Variants in MIA2 observed in about 807,000 individuals in gnomAD.
MIA2 encodes the protein MIA SH3 domain ER export factor 2.
A neutral mutation model predicts 167.8 loss-of-function variants in MIA2; 127 were observed. The observed-to-expected ratio is 0.76, with a 90% CI of 0.66 to 0.88. The LOEUF (loss-of-function observed/expected upper bound fraction) is 0.88. Ranked by LOEUF, MIA2 falls within the 40% of genes least tolerant of loss-of-function variation. MIA2 has a pLI of 0.00. For synonymous variants in MIA2, 552 were observed against 541.9 expected, an observed-to-expected ratio of 1.02 and a Z score of -0.26; for missense variants, 1,690 against 1,624.7, an observed-to-expected ratio of 1.04 and a Z score of -0.69.
chr14:39,322,503 T>C (rs1406442195), intron 24 of MIA2, among the ~76,000 whole-genome samples: 1 of 143,678 alleles, frequency 7.0e-6, no homozygotes, highest in Non-Finnish European at 1.5e-5. Context: ...ATAGTGCCAC[T>C]GCACTCCAGC....
chr14:39,384,598 G>C (rs974970389), intron 23 of MIA2, among the ~76,000 whole-genome samples: 1 of 152,128 alleles, frequency 6.6e-6, no homozygotes, highest in African/African-American at 2.4e-5. Flanking sequence ...AATTTTCACA[G>C]TATATATTTG....
downstream of MIA2, among the ~76,000 whole-genome samples, chr14:39,355,346 T>C (rs1484520603): frequency 2.0e-5 from 3 of 152,138 alleles, no homozygotes; most frequent in African/African-American, 7.2e-5. Flanking sequence ...TGATTTGGCT[T>C]TCTGTTTGTC....
Position 39,350,277 on chromosome 14 carries a change from T to C in MIA2, c.*13T>C. On this transcript the variant is annotated 3_prime_UTR_variant, in exon 29 of 29. Transcript: ENST00000640607. ...GCAAGAAACCTGACAATATTTTTGCTCTCTTCAAAAGTAATTTTGACTGAT... is the reference window on the plus strand; with the variant it reads ...GCAAGAAACCTGACAATATTTTTGCCCTCTTCAAAAGTAATTTTGACTGAT... The C allele has an allele frequency of 2.2e-6, 3 of 1,346,342 alleles. No individual in the cohort carries two copies. The highest frequency in any genetic ancestry group is 3.0e-6 in the Non-Finnish European group (3 of 1,001,070). The allele number at this position is 1,346,342 out of a possible 1,614,324, so 83.4% of individuals were successfully genotyped here. A position where few individuals can be genotyped will look rare whatever the true frequency, so the allele number is the denominator to read the frequency against.
At chr14:39,365,655 C>T (rs910795517) in intron 23 of MIA2, among the ~76,000 whole-genome samples, 2 of 2,198 alleles carry the variant, frequency 9.1e-4, no homozygotes, top group African/African-American at 4.6e-3. Flanking sequence ...AAATACCTAT[C>T]TATCTATCTA....
At chr14:39,269,932 C>G (rs1594818398) in intron 6 of MIA2, among the ~76,000 whole-genome samples, 1 of 152,248 alleles carries the variant, frequency 6.6e-6, no homozygotes, top group Admixed American at 6.5e-5. Context: ...ATGAATAATG[C>G]TGCTTTGTGT....
downstream of MIA2, among the ~76,000 whole-genome samples, chr14:39,352,400 C>G (rs1479712352): frequency 6.6e-6 from 1 of 151,848 alleles, no homozygotes; most frequent in Non-Finnish European, 1.5e-5. Context: ...TGTTGGAGTT[C>G]ACTCTCAAGT....
intron 24 of MIA2, among the ~76,000 whole-genome samples, chr14:39,321,480 AT>A (rs1346594331): frequency 4.0e-5 from 6 of 149,756 alleles, no homozygotes; most frequent in Admixed American, 6.7e-5. Context: ...TGCCCGGCTA[AT>A]TTTTTTTTGT....
intron 6 of MIA2, chr14:39,269,174 T>A: frequency 1.9e-5 from 11 of 571,328 alleles, no homozygotes; most frequent in Non-Finnish European, 2.4e-5. Flanking sequence ...TTTTTATTTT[T>A]AAAAATTATT....
chr14:39,386,616 CTTTTTTTTT>C, intron 23 of MIA2: 2 of 1,015,578 alleles, frequency 2.0e-6, no homozygotes, highest in Non-Finnish European at 2.9e-6. Flanking sequence ...TCTTTTTTTT[CTTTTTTTTT>C]GGCTGGCAGT....
intron 17 of MIA2, among the ~76,000 whole-genome samples, chr14:39,307,428 G>GT (rs1365666811): frequency 8.5e-6 from 1 of 117,064 alleles, no homozygotes; most frequent in African/African-American, 3.3e-5. Flanking sequence ...TGGAGACAGG[G>GT]TCTCCCTTTG....
At chr14:39,365,242 C>A (rs1456002336) in intron 23 of MIA2, among the ~76,000 whole-genome samples, 1 of 151,844 alleles carries the variant, frequency 6.6e-6, no homozygotes, top group Non-Finnish European at 1.5e-5. Context: ...ATTTTTGTAT[C>A]TTTAGTAGAG....
intron 9 of MIA2, among the ~76,000 whole-genome samples, chr14:39,280,008 A>T (rs1288552462): frequency 6.6e-6 from 1 of 151,678 alleles, no homozygotes; most frequent in Non-Finnish European, 1.5e-5. Context: ...ATAGTCTTTG[A>T]TCCATTTGAA....
intron 23 of MIA2, among the ~76,000 whole-genome samples, chr14:39,377,638 A>G (rs1402471275): frequency 6.6e-6 from 1 of 152,158 alleles, no homozygotes; most frequent in Non-Finnish European, 1.5e-5. Context: ...CAATAACCCA[A>G]TTTTACTTAA....
At chr14:39,355,191 A>G (rs532200399), downstream of MIA2, among the ~76,000 whole-genome samples, 29 of 151,896 alleles carry the variant, frequency 1.9e-4, no homozygotes, top group Middle Eastern at 3.4e-3. Flanking sequence ...ACCCATGAGC[A>G]TGGAATGTTC....
intron 23 of MIA2, among the ~76,000 whole-genome samples, chr14:39,375,293 A>G (rs2075023658): frequency 6.6e-6 from 1 of 152,214 alleles, no homozygotes; most frequent in Non-Finnish European, 1.5e-5. Context: ...GAATGTTATC[A>G]TTAGTTCATA....
At chr14:39,278,052 C>A (rs904326099) in intron 7 of MIA2, among the ~76,000 whole-genome samples, 6 of 151,844 alleles carry the variant, frequency 4.0e-5, no homozygotes, top group African/African-American at 1.2e-4. Flanking sequence ...CGGCTCACTG[C>A]AATCTCTGCT....
At chr14:39,357,918 A>G (rs1159444948) in intron 23 of MIA2, among the ~76,000 whole-genome samples, 1 of 152,188 alleles carries the variant, frequency 6.6e-6, no homozygotes, top group Non-Finnish European at 1.5e-5. Context: ...CTGCCGAGAG[A>G]TCAGCTGTTA....
At position 39,308,579 on chromosome 14, in the gene MIA2, A is replaced by G. The variant is rs760493348; in HGVS notation, c.3009A>G (p.Lys1003=). 132 of 1,554,194 alleles carry G rather than the reference A, an allele frequency of 8.5e-5. No homozygotes were observed. The highest frequency in any genetic ancestry group is 1.2e-4 in the Admixed American group (6 of 49,104). The part of the protein sequence containing the change: ...MTELYQENEM[K]LHRKLTVEEN... ...AATTATATCAAGAAAATGAAATGAA[A>G]CTCCACAGGTAATAAAAATTATGTT... The change falls in exon 18 of 29, where the codon AAA becomes AAG. Residue 1003 remains lysine (K), a synonymous_variant. Transcript: ENST00000640607.
At chr14:39,377,749 C>G (rs939794202) in intron 23 of MIA2, among the ~76,000 whole-genome samples, 1 of 143,420 alleles carries the variant, frequency 7.0e-6, no homozygotes, top group Admixed American at 6.8e-5. Flanking sequence ...ATTTGTTATA[C>G]AGGCTCTCTC....
Sources: gnomAD v4.1 joint callset for allele counts (sites outside exome capture counted in the v4.1 genomes callset) on GRCh38, gnomAD v4.1.1 for gene constraint, MANE v1.5 for transcripts, NCBI Gene and HGNC (gene_info 2026-07-23, HGNC 2026-07-21) for gene names.